The following LRRC49 variants were observed in gnomAD, a reference collection of about 807,000 sequenced individuals.
LRRC49 encodes the protein leucine-rich repeat-containing protein 49.
Under a neutral mutation model 83.3 loss-of-function variants are expected in LRRC49, and 50 were observed. That is an observed-to-expected ratio of 0.60 (90% CI 0.48 to 0.76). The LOEUF is 0.76. LRRC49 is among the 30% of genes least tolerant of loss of function. LRRC49 has a pLI of 0.00. For missense variants in LRRC49, 704 were observed against 809.1 expected (o/e 0.87, Z 1.58); for synonymous variants, 286 against 283.3 (o/e 1.01, Z -0.10).
chr15:70,866,236 C>A (rs558519960), intron 1 of LRRC49, among the ~76,000 whole-genome samples: 10 of 151,950 alleles, frequency 6.6e-5, no homozygotes, highest in African/African-American at 2.4e-4. Flanking sequence ...CAACCTCTGC[C>A]TCCGGGTTCA....
intron 14 of LRRC49, among the ~76,000 whole-genome samples, chr15:71,034,497 C>G (rs1018952363): frequency 3.9e-5 from 6 of 152,136 alleles, no homozygotes; most frequent in South Asian, 4.1e-4. Flanking sequence ...GACCTGGAAC[C>G]AGAAATACGA....
In LRRC49 at chr15:70,963,939, AC is replaced by A. The variant is rs1176076354; in HGVS notation, c.921+10del. ...AGATATGAAGAGAATCACGGTGAGA[AC>A]CCTTCCAAAGTGTTCACCATGTTGT... On this transcript the variant is annotated splice_region_variant and intron_variant, in intron 9 of 15. Transcript: ENST00000260382. 2 of 1,612,282 alleles carry A rather than the reference AC, an allele frequency of 1.2e-6. No individual in the cohort carries two copies.
chr15:70,871,489 G>A (rs1019950106), intron 1 of LRRC49, among the ~76,000 whole-genome samples: 2 of 152,222 alleles, frequency 1.3e-5, no homozygotes, highest in South Asian at 2.1e-4. Context: ...ACCAGGTGGC[G>A]GCCGGGCAGA....
chr15:71,024,934 G>C (rs554661212), intron 14 of LRRC49, among the ~76,000 whole-genome samples: 14 of 152,250 alleles, frequency 9.2e-5, no homozygotes, highest in Non-Finnish European at 1.5e-4. Context: ...ATACCAAGCA[G>C]AGTAAAGAAT....
intron 9 of LRRC49, among the ~76,000 whole-genome samples, chr15:70,977,339 A>T (rs2037241005): frequency 6.6e-6 from 1 of 152,126 alleles, no homozygotes; most frequent in Non-Finnish European, 1.5e-5. Context: ...TTAGTTTTTA[A>T]AAGTTAAGAA....
chr15:70,919,244 A>AT (rs2034914512), intron 7 of LRRC49, 51 bp downstream of exon 7: 4 of 1,454,720 alleles, frequency 2.7e-6, no homozygotes, highest in Non-Finnish European at 3.7e-6. Context: ...CTTTCAAGGA[A>AT]TTGAAACAAA....
intron 14 of LRRC49, among the ~76,000 whole-genome samples, chr15:71,032,567 A>T (rs139837390): frequency 5.8e-4 from 88 of 152,236 alleles, no homozygotes; most frequent in African/African-American, 2.0e-3. Flanking sequence ...AAAATAGAAA[A>T]CTTCAGGCCA....
chr15:71,029,699 T>G (rs1212374251), intron 14 of LRRC49, among the ~76,000 whole-genome samples: 1 of 152,232 alleles, frequency 6.6e-6, no homozygotes, highest in African/African-American at 2.4e-5. Context: ...TGAATCTGGG[T>G]GCTCCCGTAT....
intron 14 of LRRC49, among the ~76,000 whole-genome samples, chr15:71,017,988 C>A (rs993253942): frequency 3.9e-5 from 6 of 152,034 alleles, no homozygotes; most frequent in Admixed American, 1.3e-4. Context: ...ATAGTACTTC[C>A]ACATTTATAG....
intron 14 of LRRC49, among the ~76,000 whole-genome samples, chr15:71,025,724 G>T (rs1032332132): frequency 6.6e-6 from 1 of 151,780 alleles, no homozygotes; most frequent in Non-Finnish European, 1.5e-5. Flanking sequence ...AAAAACAGGG[G>T]TTGCAATCCT....
At chr15:70,952,700 T>G (rs1269247155) in intron 8 of LRRC49, among the ~76,000 whole-genome samples, 3 of 152,140 alleles carry the variant, frequency 2.0e-5, no homozygotes, top group Non-Finnish European at 4.4e-5. Context: ...TTTACTGCCT[T>G]GATGATCTGT....
chr15:70,977,905 A>G (rs1016808985), intron 9 of LRRC49, among the ~76,000 whole-genome samples: 2 of 152,128 alleles, frequency 1.3e-5, no homozygotes, highest in Non-Finnish European at 2.9e-5. Flanking sequence ...GTCACTAGCT[A>G]TGTGACCTCA....
At chr15:71,001,800 T>C (rs1401052555) in intron 11 of LRRC49, among the ~76,000 whole-genome samples, 1 of 152,084 alleles carries the variant, frequency 6.6e-6, no homozygotes, top group Non-Finnish European at 1.5e-5. Flanking sequence ...CACACCATTC[T>C]CCTGCCTCAG....
At chr15:71,004,362 A>T (rs367856287) in intron 11 of LRRC49, among the ~76,000 whole-genome samples, 34 of 152,336 alleles carry the variant, frequency 2.2e-4, no homozygotes, top group African/African-American at 7.7e-4. Context: ...AAAGATGTGG[A>T]ATCAATCTAA....
intron 11 of LRRC49, among the ~76,000 whole-genome samples, chr15:70,984,735 C>T (rs894373439): frequency 6.7e-6 from 1 of 150,192 alleles, no homozygotes; most frequent in Non-Finnish European, 1.5e-5. Flanking sequence ...CCAATTAACT[C>T]GTCATTTAGC....
chr15:70,987,188 T>C (rs996103181), intron 11 of LRRC49, among the ~76,000 whole-genome samples: 2 of 152,260 alleles, frequency 1.3e-5, no homozygotes, highest in African/African-American at 4.8e-5. Context: ...TTCTATTGAT[T>C]GGAATAGTTT....
intron 11 of LRRC49, among the ~76,000 whole-genome samples, chr15:70,987,621 G>A (rs1287493804): frequency 1.3e-5 from 2 of 151,932 alleles, no homozygotes; most frequent in African/African-American, 2.4e-5. Flanking sequence ...AGGGTTTTTT[G>A]TGTCTCTATT....
At chr15:70,935,408 G>C (rs2035561199) in intron 7 of LRRC49, among the ~76,000 whole-genome samples, 1 of 152,038 alleles carries the variant, frequency 6.6e-6, no homozygotes, top group Non-Finnish European at 1.5e-5. Context: ...AAGTGGTTCT[G>C]TCCTAATTCT....
chr15:71,000,682 A>C (rs1275042792), intron 11 of LRRC49, among the ~76,000 whole-genome samples: 2 of 152,202 alleles, frequency 1.3e-5, no homozygotes, highest in African/African-American at 4.8e-5. Context: ...CCTTTTTAAA[A>C]AATTGAACAA....
Sources: gnomAD v4.1 joint callset for allele counts (sites outside exome capture counted in the v4.1 genomes callset) on GRCh38, gnomAD v4.1.1 for gene constraint, MANE v1.5 for transcripts, NCBI Gene and HGNC (gene_info 2026-07-23, HGNC 2026-07-21) for gene names.